VPS8: variants seen among roughly 807,000 people sequenced by gnomAD.
VPS8 encodes vacuolar protein sorting-associated protein 8 homolog.
In VPS8, 129 loss-of-function variants were observed where a neutral mutation model predicts 216.4. The ratio of observed to expected loss-of-function variants is 0.60; its 90% CI spans 0.52 to 0.69. VPS8 has a LOEUF of 0.69. Among genes scored for constraint, VPS8 ranks in the 30% least tolerant of loss-of-function variants. VPS8 has a pLI of 0.00. For missense variants in VPS8, 1,531 were observed against 1,683.5 expected, an observed-to-expected ratio of 0.91 and a Z score of 1.59; for synonymous variants, 571 against 565.4, an observed-to-expected ratio of 1.01 and a Z score of -0.14.
chr3:184,826,719 A>T (rs2108516704), intron 3 of VPS8, among the ~76,000 whole-genome samples: 1 of 152,338 alleles, frequency 6.6e-6, no homozygotes, highest in Non-Finnish European at 1.5e-5. Context: ...TCTACCACTG[A>T]TATTCAAATA....
intron 41 of VPS8, 22 bp from the exon 42 acceptor site, chr3:184,982,990 T>G (rs1457840093): frequency 7.7e-6 from 12 of 1,563,514 alleles, no homozygotes; most frequent in African/African-American, 1.4e-5. Context: ...CTAACCTTAA[T>G]GTTAATATTT....
rs181446310 is a variant in VPS8, at chr3:184,848,757, C to T, written c.542-314C>T. Among the ~76,000 whole-genome samples, 618 of 151,544 alleles carry T rather than the reference C, an allele frequency of 4.1e-3. 1 individual carries two copies. The highest frequency in any genetic ancestry group is 6.7e-3 in the Non-Finnish European group (453 of 67,834). ...CTAATTTTTGTATTTTTAGTAGAGTCGGGGTTTCACCATGTTGGCCAGCCT... is the reference window on the plus strand; with the variant it reads ...CTAATTTTTGTATTTTTAGTAGAGTTGGGGTTTCACCATGTTGGCCAGCCT... On this transcript the variant is annotated intron_variant, in intron 8 of 47. Transcript: ENST00000625842.
intron 5 of VPS8, among the ~76,000 whole-genome samples, chr3:184,837,491 A>G (rs1040365612): frequency 6.6e-6 from 1 of 152,152 alleles, no homozygotes; most frequent in Non-Finnish European, 1.5e-5. Context: ...TTAACTATGT[A>G]TTACATGCTT....
chr3:184,923,697 T>C lies in VPS8; in HGVS notation c.2455-1165T>C, dbSNP rs9682870. Among the ~76,000 whole-genome samples, 671 of 152,326 alleles carry C rather than the reference T, an allele frequency of 4.4e-3. 7 individuals carry two copies. The highest frequency in any genetic ancestry group is 0.015 in the African/African-American group (630 of 41,572). ...TTTTAATCTATAGTTTCCCTCTTCC[T>C]GCATGCTGCTGCATTCTAATAAATA... On this transcript the variant is annotated intron_variant, in intron 29 of 47. Transcript: ENST00000625842.
intron 37 of VPS8, among the ~76,000 whole-genome samples, chr3:184,962,724 A>AGTGTGTGTGTGTGT (rs10562348): frequency 7.5e-5 from 11 of 145,912 alleles, no homozygotes; most frequent in African/African-American, 2.8e-4. Flanking sequence ...TTAAGGCTTA[A>AGTGTGTGTGTGTGT]GTGTGTGTGT....
chr3:184,837,265 A>G (rs763683195), intron 5 of VPS8, among the ~76,000 whole-genome samples: 4 of 152,116 alleles, frequency 2.6e-5, no homozygotes, highest in Non-Finnish European at 5.9e-5. Context: ...TTCAGGTTCT[A>G]TTTTGAATAT....
chr3:184,813,700 C>T (rs985755115), intron 1 of VPS8: 4 of 152,198 alleles, frequency 2.6e-5, no homozygotes, highest in Admixed American at 6.5e-5. Context: ...ATATTTGCTT[C>T]GTATCTGGAC....
At chr3:184,818,394 G>A (rs1052690234) in intron 1 of VPS8, among the ~76,000 whole-genome samples, 1 of 151,858 alleles carries the variant, frequency 6.6e-6, no homozygotes, top group Non-Finnish European at 1.5e-5. Flanking sequence ...ATGGTGGTGT[G>A]CGCCTGTAGA....
rs1035969902 is a variant in VPS8 at position 184,948,175 on chromosome 3, A to G, written c.3035+7932A>G. Among the ~76,000 whole-genome samples, 12 of 151,592 alleles carry G rather than the reference A, an allele frequency of 7.9e-5. 1 individual carries two copies. Among genetic ancestry groups the G allele is most frequent in the Non-Finnish European group, 1.5e-4 (10 of 67,998 alleles). On this transcript the variant is annotated intron_variant, in intron 36 of 47. Transcript: ENST00000625842. ...TTTTAGCCTTATTATACTTGGCCTG[A>G]TCATTTGCATAAAGTGCAACAAGAA...
chr3:185,043,841 A>G (rs1488652690), intron 46 of VPS8, among the ~76,000 whole-genome samples: 1 of 152,180 alleles, frequency 6.6e-6, no homozygotes, highest in African/African-American at 2.4e-5. Flanking sequence ...TTGATTAGGC[A>G]AATTGACCCA....
At chr3:184,845,243 C>T (rs540263135) in intron 8 of VPS8, among the ~76,000 whole-genome samples, 2 of 152,144 alleles carry the variant, frequency 1.3e-5, no homozygotes, top group East Asian at 3.9e-4. Context: ...TACATGTATC[C>T]ATGGAATTTA....
intron 46 of VPS8, among the ~76,000 whole-genome samples, chr3:185,027,317 A>G (rs1239320881): frequency 2.2e-5 from 3 of 133,752 alleles, no homozygotes; most frequent in Non-Finnish European, 4.6e-5. Context: ...ATCTCGGCTC[A>G]CTGCAAGCTT....
At chr3:184,973,543 C>A (rs1748779330) in intron 40 of VPS8, among the ~76,000 whole-genome samples, 1 of 152,128 alleles carries the variant, frequency 6.6e-6, no homozygotes, top group South Asian at 2.1e-4. Flanking sequence ...TTTATCATTT[C>A]TTTGTGTTGG....
intron 46 of VPS8, among the ~76,000 whole-genome samples, chr3:185,044,123 G>A (rs1712313384): frequency 1.3e-5 from 2 of 152,198 alleles, no homozygotes; most frequent in Admixed American, 6.5e-5. Context: ...CCAGGAGGCA[G>A]AGGTTGCAGT....
chr3:185,016,272 AGT>A (rs1561130446), intron 45 of VPS8, among the ~76,000 whole-genome samples: 11 of 152,258 alleles, frequency 7.2e-5, no homozygotes, highest in African/African-American at 2.7e-4. Context: ...AAGGAATAGT[AGT>A]CTGAATTCTG....
intron 40 of VPS8, among the ~76,000 whole-genome samples, chr3:184,973,654 T>C (rs1748797125): frequency 6.6e-6 from 1 of 152,206 alleles, no homozygotes; most frequent in Non-Finnish European, 1.5e-5. Context: ...ATTAAAATTC[T>C]ATCTAATTGT....
At chr3:184,951,994 T>TA (rs1397083230) in intron 36 of VPS8, among the ~76,000 whole-genome samples, 1 of 152,230 alleles carries the variant, frequency 6.6e-6, no homozygotes, top group Non-Finnish European at 1.5e-5. Context: ...GTTGTGTCAA[T>TA]AAATTTTCTG....
chr3:184,889,199 A>G (rs1731869603), intron 22 of VPS8, among the ~76,000 whole-genome samples: 1 of 152,030 alleles, frequency 6.6e-6, no homozygotes, highest in Non-Finnish European at 1.5e-5. Flanking sequence ...TCACCAAATT[A>G]GGATCCATTT....
intron 42 of VPS8, among the ~76,000 whole-genome samples, chr3:184,985,608 G>A (rs1298948679): frequency 6.6e-6 from 1 of 152,192 alleles, no homozygotes; most frequent in African/African-American, 2.4e-5. Context: ...AGCAGAAGGA[G>A]CTGTGGGAAA....
Sources: allele counts gnomAD v4.1 joint callset (sites outside exome capture counted in the v4.1 genomes callset), GRCh38; gene constraint gnomAD v4.1.1; transcripts MANE v1.5; gene names NCBI Gene and HGNC (gene_info 2026-07-23, HGNC 2026-07-21).